LRMDA: variants seen among roughly 807,000 people sequenced by gnomAD.
LRMDA encodes leucine rich melanocyte differentiation associated.
A neutral mutation model predicts 29.8 loss-of-function variants in LRMDA; 18 were observed. The observed-to-expected ratio is 0.60, with a 90% CI of 0.42 to 0.90. The LOEUF (loss-of-function observed/expected upper bound fraction) is 0.90, where lower values mean the gene tolerates loss of function less well. Among genes scored for constraint, LRMDA ranks in the 40% least tolerant of loss-of-function variants. LRMDA has a pLI of 0.00. For missense variants in LRMDA, 273 were observed against 273.9 expected (o/e 1.00, Z 0.02); for synonymous variants, 125 against 109.4 (o/e 1.14, Z -0.89).
At chr10:75,564,745 G>T (rs1261198828) in intron 2 of LRMDA, among the ~76,000 whole-genome samples, 2 of 152,216 alleles carry the variant, frequency 1.3e-5, no homozygotes, top group African/African-American at 4.8e-5. Context: ...TCTGGATCTT[G>T]TTAATAAAAT....
intron 2 of LRMDA, among the ~76,000 whole-genome samples, chr10:75,640,773 T>C (rs1841442445): frequency 6.6e-6 from 1 of 151,966 alleles, no homozygotes; most frequent in Admixed American, 6.5e-5. Flanking sequence ...AAAGGGAAGC[T>C]TTTTTTTAAA....
At position 75,697,876 on chromosome 10, in the gene LRMDA, G is replaced by A. The variant is rs559524078; in HGVS notation, c.131+259382G>A. ...GCGTGTGTGTGTGTGTCTCATTCGC[G>A]CTCTAGAACTGGCTTTTGAAGTAGG... On this transcript the variant is annotated intron_variant, in intron 2 of 6. Transcript: ENST00000611255. Among the ~76,000 whole-genome samples, 17 of 123,924 alleles carry A rather than the reference G, an allele frequency of 1.4e-4. No individual in the cohort carries two copies. The South Asian group carries it at 3.6e-3, about 26-fold the overall frequency. 81.3% of individuals were successfully genotyped at this position (123,924 alleles called of 152,430 possible).
At chr10:76,088,216 A>C (rs1849170507) in intron 5 of LRMDA, among the ~76,000 whole-genome samples, 1 of 152,200 alleles carries the variant, frequency 6.6e-6, no homozygotes, top group South Asian at 2.1e-4. Context: ...GCTGTAATCT[A>C]GCCGAGGCTG....
chr10:75,466,191 C>T lies in LRMDA; in HGVS notation c.131+27697C>T, dbSNP rs532940078. ...TAAGCAATTATTAAATGCCATTGTGCGTCAGGAAGGGTTGGTTGGTGGTGA... is the reference window on the plus strand; with the variant it reads ...TAAGCAATTATTAAATGCCATTGTGTGTCAGGAAGGGTTGGTTGGTGGTGA... On this transcript the variant is annotated intron_variant, in intron 2 of 6. Transcript: ENST00000611255. Among the ~76,000 whole-genome samples, 14 of 152,290 alleles carry T rather than the reference C, an allele frequency of 9.2e-5. No homozygotes were observed. In the East Asian group the frequency reaches 9.7e-4, roughly 10 times the overall value.
At chr10:75,819,257 C>T (rs1157155743) in intron 2 of LRMDA, among the ~76,000 whole-genome samples, 1 of 152,098 alleles carries the variant, frequency 6.6e-6, no homozygotes, top group Admixed American at 6.5e-5. Context: ...TTGAGAAGTC[C>T]TAGTGCTGAT....
chr10:75,438,303 C>A, intron 1 of LRMDA, 91 bp from the exon 2 acceptor site: 1 of 1,001,706 alleles, frequency 1.0e-6, no homozygotes, highest in Non-Finnish European at 1.5e-6. Context: ...TTTCAAGTTG[C>A]AGAAGCAATC....
intron 2 of LRMDA, among the ~76,000 whole-genome samples, chr10:75,527,700 A>T (rs1435454435): frequency 6.8e-6 from 1 of 147,618 alleles, no homozygotes; most frequent in Non-Finnish European, 1.5e-5. Flanking sequence ...TTATATTATA[A>T]TTGTTATATA....
intron 6 of LRMDA, among the ~76,000 whole-genome samples, chr10:76,332,637 T>C (rs1303207583): frequency 6.6e-6 from 1 of 152,204 alleles, no homozygotes; most frequent in Non-Finnish European, 1.5e-5. Flanking sequence ...CTTAACAAAA[T>C]GGAAGCCTAG....
At chr10:75,706,037 T>C (rs1842361902) in intron 2 of LRMDA, among the ~76,000 whole-genome samples, 1 of 152,198 alleles carries the variant, frequency 6.6e-6, no homozygotes, top group Admixed American at 6.5e-5. Flanking sequence ...CATAACGCTG[T>C]ATAGGTAAAA....
intron 6 of LRMDA, among the ~76,000 whole-genome samples, chr10:76,451,866 A>T (rs1437026257): frequency 6.6e-6 from 1 of 151,922 alleles, no homozygotes; most frequent in East Asian, 2.0e-4. Flanking sequence ...CATGTTGGTC[A>T]GGCTGGTCTC....
At chr10:75,969,946 C>A (rs931727730) in intron 2 of LRMDA, among the ~76,000 whole-genome samples, 3 of 152,178 alleles carry the variant, frequency 2.0e-5, no homozygotes, top group Non-Finnish European at 2.9e-5. Flanking sequence ...GGGCTCTGTA[C>A]AAATGGAATT....
chr10:75,465,813 A>G (rs1478400167), intron 2 of LRMDA, among the ~76,000 whole-genome samples: 1 of 152,220 alleles, frequency 6.6e-6, no homozygotes, highest in East Asian at 1.9e-4. Context: ...GGATTTTTAT[A>G]AAATGACCTT....
intron 5 of LRMDA, among the ~76,000 whole-genome samples, chr10:76,183,616 G>T (rs951548682): frequency 6.6e-6 from 1 of 152,214 alleles, no homozygotes; most frequent in Non-Finnish European, 1.5e-5. Flanking sequence ...TACCCAAGGA[G>T]GGAATAAGCA....
At chr10:76,392,421 A>G (rs955262475) in intron 6 of LRMDA, among the ~76,000 whole-genome samples, 12 of 152,182 alleles carry the variant, frequency 7.9e-5, no homozygotes, top group African/African-American at 2.4e-4. Context: ...TAAATAATAC[A>G]GATTGAGTAT....
chr10:76,446,945 T>C (rs1476415857), intron 6 of LRMDA, among the ~76,000 whole-genome samples: 1 of 152,166 alleles, frequency 6.6e-6, no homozygotes, highest in African/African-American at 2.4e-5. Flanking sequence ...TATGGAAAAG[T>C]TCTCTATTGT....
intron 2 of LRMDA, among the ~76,000 whole-genome samples, chr10:75,804,926 C>T (rs894743455): frequency 3.9e-5 from 6 of 152,068 alleles, no homozygotes; most frequent in Admixed American, 1.3e-4. Context: ...TGCTGGCCAG[C>T]CTTAGGCAGG....
intron 2 of LRMDA, among the ~76,000 whole-genome samples, chr10:75,801,258 C>G (rs1843739679): frequency 6.6e-6 from 1 of 152,214 alleles, no homozygotes; most frequent in Non-Finnish European, 1.5e-5. Context: ...GATTTCCTCC[C>G]TCTGTCACCT....
At chr10:76,525,716 A>T (rs935659824) in intron 6 of LRMDA, among the ~76,000 whole-genome samples, 2 of 152,192 alleles carry the variant, frequency 1.3e-5, no homozygotes, top group African/African-American at 4.8e-5. Context: ...ATAATACAAT[A>T]CTTGATCTTA....
chr10:76,378,750 T>C (rs1321383468), intron 6 of LRMDA, among the ~76,000 whole-genome samples: 2 of 152,174 alleles, frequency 1.3e-5, no homozygotes, highest in Admixed American at 6.5e-5. Context: ...ATTATGTTTT[T>C]GATGTGCTAC....
Sources: allele counts gnomAD v4.1 joint callset (sites outside exome capture counted in the v4.1 genomes callset), GRCh38; gene constraint gnomAD v4.1.1; transcripts MANE v1.5; gene names NCBI Gene and HGNC (gene_info 2026-07-23, HGNC 2026-07-21).